Variants in PDE4B observed in about 807,000 individuals in gnomAD.
PDE4B encodes 3',5'-cyclic-AMP phosphodiesterase 4B.
A neutral mutation model predicts 82.2 loss-of-function variants in PDE4B; 20 were observed. That is an observed-to-expected ratio of 0.24 (90% CI 0.17 to 0.35). The LOEUF (loss-of-function observed/expected upper bound fraction) is 0.35. Among genes scored for constraint, PDE4B ranks in the 10% least tolerant of loss-of-function variants. The pLI is 1.00. For missense variants in PDE4B, 655 were observed against 907.2 expected, an observed-to-expected ratio of 0.72 and a Z score of 3.57; for synonymous variants, 320 against 318.9, an observed-to-expected ratio of 1.00 and a Z score of -0.04.
chr1:66,321,899 G>GT (rs140892226), intron 7 of PDE4B, among the ~76,000 whole-genome samples: 23,299 of 151,974 alleles, frequency 0.15, 3,415 homozygotes, highest in African/African-American at 0.38. Flanking sequence ...AGCTGGAGGC[G>GT]TTATGCTACC....
chr1:66,255,028 C>A (rs535300631), intron 4 of PDE4B, among the ~76,000 whole-genome samples: 91 of 151,668 alleles, frequency 6.0e-4, no homozygotes, highest in Non-Finnish European at 1.2e-3. Flanking sequence ...TTTCTTTTCT[C>A]TTTTCTTTTC....
intron 7 of PDE4B, among the ~76,000 whole-genome samples, chr1:66,283,052 T>G (rs1656407028): frequency 6.6e-6 from 1 of 152,168 alleles, no homozygotes; most frequent in South Asian, 2.1e-4. Context: ...CATTGAGTGC[T>G]TATGAGTGCT....
Position 66,374,402 on chromosome 1 carries a change from G to A in PDE4B, c.*1724G>A, listed in dbSNP as rs2050893257. ...TGTGACTCAGTAATTACAGAAAATGGCACAAATGTGCATGACCAATGTATG... is the reference window on the plus strand; with the variant it reads ...TGTGACTCAGTAATTACAGAAAATGACACAAATGTGCATGACCAATGTATG... On this transcript the variant is annotated 3_prime_UTR_variant, in exon 17 of 17. Coordinates refer to ENST00000341517, the MANE Select transcript of PDE4B (RefSeq NM_002600.4). The A allele has an allele frequency of 6.9e-6, 1 of 145,654 alleles. No individual in the cohort carries two copies. Among genetic ancestry groups the A allele is most frequent in the South Asian group, 2.1e-4 (1 of 4,682 alleles). The allele number at this position is 145,654 out of a possible 1,614,324, so 9.0% of individuals were successfully genotyped here.
intron 8 of PDE4B, among the ~76,000 whole-genome samples, chr1:66,342,897 T>A (rs1661108321): frequency 6.6e-6 from 1 of 151,918 alleles, no homozygotes; most frequent in South Asian, 2.1e-4. Context: ...TACAAAAAAT[T>A]AGCCGGACGC....
At chr1:66,347,871 ACT>A (rs1379254317) in intron 8 of PDE4B, among the ~76,000 whole-genome samples, 1 of 152,204 alleles carries the variant, frequency 6.6e-6, no homozygotes, top group Non-Finnish European at 1.5e-5. Context: ...GGTACTATAG[ACT>A]GAAAATGGAA....
intron 7 of PDE4B, among the ~76,000 whole-genome samples, chr1:66,317,166 C>T (rs750238594): frequency 6.6e-6 from 1 of 152,184 alleles, no homozygotes; most frequent in African/African-American, 2.4e-5. Context: ...GTTAATCTTT[C>T]CTAACACACA....
At chr1:65,905,493 G>T (rs989081609) in intron 1 of PDE4B, among the ~76,000 whole-genome samples, 1 of 152,048 alleles carries the variant, frequency 6.6e-6, no homozygotes, top group Admixed American at 6.6e-5. Flanking sequence ...GTCAAGCAGG[G>T]ACCAGATCTG....
chr1:65,952,489 T>C (rs1224419547), intron 3 of PDE4B, among the ~76,000 whole-genome samples: 1 of 151,932 alleles, frequency 6.6e-6, no homozygotes. Flanking sequence ...GAGATCAGCG[T>C]GGTCAACATG....
intron 3 of PDE4B, among the ~76,000 whole-genome samples, chr1:66,015,769 G>C (rs963606983): frequency 2.0e-5 from 3 of 152,008 alleles, no homozygotes; most frequent in Non-Finnish European, 4.4e-5. Flanking sequence ...AAGGTGGGGG[G>C]TGTTTGATTA....
At chr1:66,038,988 G>A (rs774327615) in intron 3 of PDE4B, among the ~76,000 whole-genome samples, 28 of 151,896 alleles carry the variant, frequency 1.8e-4, no homozygotes, top group Non-Finnish European at 3.1e-4. Flanking sequence ...ATACTCTCAG[G>A]AAGAGTTTTA....
intron 3 of PDE4B, among the ~76,000 whole-genome samples, chr1:66,100,088 C>A (rs1232042739): frequency 6.6e-6 from 1 of 152,040 alleles, no homozygotes; most frequent in Non-Finnish European, 1.5e-5. Flanking sequence ...GAGTCTTGCT[C>A]TGTTGCCCAG....
intron 3 of PDE4B, among the ~76,000 whole-genome samples, chr1:66,029,704 T>C (rs1653656488): frequency 6.6e-6 from 1 of 152,216 alleles, no homozygotes; most frequent in South Asian, 2.1e-4. Context: ...ACTGACAAAG[T>C]TTCTTCTTAA....
chr1:66,140,737 T>C (rs1303170433), intron 3 of PDE4B, among the ~76,000 whole-genome samples: 1 of 152,230 alleles, frequency 6.6e-6, no homozygotes, highest in East Asian at 1.9e-4. Context: ...AAATGTGATA[T>C]GTGTGCCTAT....
chr1:66,333,812 T>C (rs1166045688), intron 8 of PDE4B, among the ~76,000 whole-genome samples: 1 of 152,206 alleles, frequency 6.6e-6, no homozygotes, highest in East Asian at 1.9e-4. Flanking sequence ...ACTCTTTGTT[T>C]ATTGGTTAAT....
At chr1:66,075,166 T>C (rs181704143) in intron 3 of PDE4B, among the ~76,000 whole-genome samples, 114 of 151,980 alleles carry the variant, frequency 7.5e-4, no homozygotes, top group African/African-American at 2.4e-3. Context: ...TGCTATACAC[T>C]GCCACTTCAA....
intron 3 of PDE4B, among the ~76,000 whole-genome samples, chr1:66,087,427 T>C (rs1827295): frequency 1.9e-3 from 282 of 152,088 alleles, no homozygotes; most frequent in African/African-American, 4.7e-3. Context: ...GCGAAAATTT[T>C]CTCCCATTTT....
intron 16 of PDE4B, 29 bp from the exon 17 acceptor site, chr1:66,372,284 A>AC: frequency 1.3e-6 from 2 of 1,574,052 alleles, no homozygotes; most frequent in Non-Finnish European, 1.7e-6. Context: ...CCATCACAAT[A>AC]ACAGATGTGT....
chr1:66,203,748 T>C (rs1169683729), intron 3 of PDE4B, among the ~76,000 whole-genome samples: 1 of 152,082 alleles, frequency 6.6e-6, no homozygotes, highest in Non-Finnish European at 1.5e-5. Flanking sequence ...TATCCATTCA[T>C]CTAATTTTTT....
chr1:66,284,393 A>G (rs1341929558), intron 7 of PDE4B, among the ~76,000 whole-genome samples: 2 of 152,204 alleles, frequency 1.3e-5, no homozygotes, highest in Non-Finnish European at 2.9e-5. Context: ...CATGACTAGG[A>G]CAAGGAAGGT....
Sources: gnomAD v4.1 joint callset for allele counts (sites outside exome capture counted in the v4.1 genomes callset) on GRCh38, gnomAD v4.1.1 for gene constraint, MANE v1.5 for transcripts, NCBI Gene and HGNC (gene_info 2026-07-23, HGNC 2026-07-21) for gene names.